Variants in EXOC4 observed in about 807,000 individuals in gnomAD.
The protein encoded by EXOC4 is SEC8-like 1.
EXOC4 carries 71 observed loss-of-function variants against 107.2 expected under a neutral mutation model. That is an observed-to-expected ratio of 0.66 (90% CI 0.55 to 0.81). The LOEUF (loss-of-function observed/expected upper bound fraction) is 0.81, where lower values mean the gene tolerates loss of function less well. Ranked by LOEUF, EXOC4 falls within the 30% of genes least tolerant of loss-of-function variation. The probability of loss-of-function intolerance (pLI) is 0.00; values close to 1 mark genes in which losing one functional copy is unlikely to be tolerated. For synonymous variants in EXOC4, 456 were observed against 441.2 expected, an observed-to-expected ratio of 1.03 and a Z score of -0.42; for missense variants, 1,108 against 1,189.6, an observed-to-expected ratio of 0.93 and a Z score of 1.01.
intron 9 of EXOC4, among the ~76,000 whole-genome samples, chr7:133,514,353 G>A (rs1799832600): frequency 6.6e-6 from 1 of 152,004 alleles, no homozygotes; most frequent in South Asian, 2.1e-4. Context: ...TAGTAGAGAC[G>A]GAGTTTCACT....
intron 14 of EXOC4, among the ~76,000 whole-genome samples, chr7:133,958,508 T>C (rs1046455347): frequency 1.3e-5 from 2 of 152,244 alleles, no homozygotes; most frequent in Non-Finnish European, 2.9e-5. Context: ...TTTTATTTAC[T>C]GAAACTGTTC....
chr7:133,475,272 T>C, intron 7 of EXOC4, 56 bp from the exon 8 acceptor site: 1 of 1,422,068 alleles, frequency 7.0e-7, no homozygotes, highest in Admixed American at 1.9e-5. Context: ...TAGTTTTTCT[T>C]AATTGCACAT....
rs2042456 is a variant in EXOC4, at chr7:133,895,694, G to A, written c.1830G>A (p.Val610=). 673,122 of 1,613,238 alleles carry A rather than the reference G, an allele frequency of 0.42. 146,047 individuals carry two copies. Among genetic ancestry groups the A allele is most frequent in the African/African-American group, 0.66 (49,171 of 74,934 alleles). Residue 610 remains valine, a synonymous_variant, in exon 12 of 18, where the codon GTG becomes GTA. Transcript: ENST00000253861. ...YSDQFLNMVC[V]KLQEYKDTCT... is the part of the protein sequence containing the mutation. ...ATCAATTCCTCAACATGGTGTGCGT[G>A]AAGCTCCAGGAGTACAAGGACACCT...
At chr7:133,739,485 A>G (rs1795518058) in intron 10 of EXOC4, among the ~76,000 whole-genome samples, 1 of 152,142 alleles carries the variant, frequency 6.6e-6, no homozygotes, top group Non-Finnish European at 1.5e-5. Flanking sequence ...TCCAGTCCTA[A>G]TGATGTGGAT....
chr7:133,423,389 G>A (rs187110861), intron 7 of EXOC4, among the ~76,000 whole-genome samples: 154 of 152,190 alleles, frequency 1.0e-3, no homozygotes, highest in Middle Eastern at 3.4e-3. Context: ...ATTCTGTGTC[G>A]TCTTTTGTCC....
chr7:133,708,484 C>T (rs1031540075), intron 10 of EXOC4, among the ~76,000 whole-genome samples: 8 of 152,100 alleles, frequency 5.3e-5, no homozygotes, highest in African/African-American at 1.9e-4. Context: ...TTTATTTATT[C>T]AATAAATATT....
intron 11 of EXOC4, among the ~76,000 whole-genome samples, chr7:133,879,577 A>G (rs1798921569): frequency 6.6e-6 from 1 of 152,134 alleles, no homozygotes; most frequent in Admixed American, 6.5e-5. Flanking sequence ...AATGGTGACA[A>G]ATGAGTTTTG....
intron 4 of EXOC4, among the ~76,000 whole-genome samples, chr7:133,309,177 C>G (rs983515518): frequency 6.6e-6 from 1 of 152,110 alleles, no homozygotes; most frequent in Non-Finnish European, 1.5e-5. Flanking sequence ...GGGTGGGGTG[C>G]CTCTTTAATG....
At position 133,398,141 on chromosome 7, in the gene EXOC4, A is replaced by G. The variant is rs563416439; in HGVS notation, c.1182+23139A>G. On this transcript the variant is annotated intron_variant, in intron 7 of 17. Coordinates refer to ENST00000253861, the MANE Select transcript of EXOC4 (RefSeq NM_021807.4). ...ATTGTAATCTGGAAAAAAAATATGC[A>G]GAGACCTCTAGGCTGACAGGCACCT... Among the ~76,000 whole-genome samples, 8 of 152,294 alleles carry G rather than the reference A, an allele frequency of 5.3e-5. No individual in the cohort carries two copies. The South Asian group carries it at 1.7e-3, about 32-fold the overall frequency.
intron 9 of EXOC4, among the ~76,000 whole-genome samples, chr7:133,544,106 A>G (rs1272181057): frequency 1.3e-5 from 2 of 152,130 alleles, no homozygotes; most frequent in Admixed American, 1.3e-4. Flanking sequence ...GCATTGGGAA[A>G]ATTCAAGTAT....
At chr7:133,305,069 C>CTTT (rs776307665) in intron 3 of EXOC4, among the ~76,000 whole-genome samples, 1 of 141,620 alleles carries the variant, frequency 7.1e-6, no homozygotes, top group African/African-American at 2.6e-5. Flanking sequence ...TGCATGCTGT[C>CTTT]TTTTTTTTTT....
At chr7:133,319,609 C>A (rs1336348818) in intron 5 of EXOC4, among the ~76,000 whole-genome samples, 1 of 152,122 alleles carries the variant, frequency 6.6e-6, no homozygotes, top group African/African-American at 2.4e-5. Context: ...CCTGCCTCAG[C>A]CTCCCAAGTA....
intron 12 of EXOC4, among the ~76,000 whole-genome samples, chr7:133,898,977 C>G (rs1481654011): frequency 6.7e-6 from 1 of 150,350 alleles, no homozygotes; most frequent in Non-Finnish European, 1.5e-5. Context: ...GACTCCATCT[C>G]AAAAAATAAA....
intron 10 of EXOC4, among the ~76,000 whole-genome samples, chr7:133,776,228 G>A (rs1295363007): frequency 1.3e-5 from 2 of 151,742 alleles, no homozygotes; most frequent in Non-Finnish European, 2.9e-5. Flanking sequence ...AATTCCACCC[G>A]TCGGTTCTAT....
At chr7:133,922,804 G>A (rs1252931486) in intron 13 of EXOC4, among the ~76,000 whole-genome samples, 7 of 151,168 alleles carry the variant, frequency 4.6e-5, no homozygotes, top group South Asian at 2.1e-4. Flanking sequence ...AGCCAAGATT[G>A]CACCACTGCA....
intron 14 of EXOC4, among the ~76,000 whole-genome samples, chr7:133,955,320 C>G (rs538801407): frequency 6.6e-6 from 1 of 152,138 alleles, no homozygotes; most frequent in Non-Finnish European, 1.5e-5. Flanking sequence ...GTATTCAGCT[C>G]TCAGCATAGA....
intron 17 of EXOC4, among the ~76,000 whole-genome samples, chr7:134,060,696 C>T (rs1012063876): frequency 6.6e-6 from 1 of 152,172 alleles, no homozygotes. Context: ...CTTTAGGACA[C>T]CTGGTAGCAC....
intron 11 of EXOC4, among the ~76,000 whole-genome samples, chr7:133,845,335 A>AGT (rs34845137): frequency 0.075 from 10,329 of 137,938 alleles, 388 homozygotes; most frequent in African/African-American, 0.1. Context: ...GCAGGTTAGT[A>AGT]GTGTGTGTGT....
At chr7:134,015,383 G>A (rs1394918342) in intron 17 of EXOC4, among the ~76,000 whole-genome samples, 1 of 152,222 alleles carries the variant, frequency 6.6e-6, no homozygotes, top group Non-Finnish European at 1.5e-5. Flanking sequence ...TACCTGGTAT[G>A]TAGTAGACAT....
Sources: allele counts gnomAD v4.1 joint callset (sites outside exome capture counted in the v4.1 genomes callset), GRCh38; gene constraint gnomAD v4.1.1; transcripts MANE v1.5; gene names NCBI Gene and HGNC (gene_info 2026-07-23, HGNC 2026-07-21).